PACSIN1: variants seen among roughly 807,000 people sequenced by gnomAD.
PACSIN1 encodes protein kinase C and casein kinase substrate in neurons 1, also known as protein kinase C and casein kinase substrate in neurons protein 1.
A neutral mutation model predicts 59.5 loss-of-function variants in PACSIN1; 15 were observed. That is an observed-to-expected ratio of 0.25 (90% CI 0.17 to 0.39). The LOEUF (loss-of-function observed/expected upper bound fraction) is 0.39. Ranked by LOEUF, PACSIN1 falls within the 10% of genes least tolerant of loss-of-function variation. The pLI is 1.00. For synonymous variants in PACSIN1, 210 were observed against 220.6 expected, an observed-to-expected ratio of 0.95 and a Z score of 0.42; for missense variants, 420 against 580.2, an observed-to-expected ratio of 0.72 and a Z score of 2.84.
intron 1 of PACSIN1, among the ~76,000 whole-genome samples, chr6:34,501,383 ACCC>A: frequency 6.6e-6 from 1 of 151,618 alleles, no homozygotes; most frequent in Non-Finnish European, 1.5e-5. Context: ...ATCTGGTCCA[ACCC>A]CCTCAGTTTG....
chr6:34,494,524 C>T (rs1766920413), intron 1 of PACSIN1, among the ~76,000 whole-genome samples: 3 of 152,084 alleles, frequency 2.0e-5, no homozygotes, highest in Non-Finnish European at 2.9e-5. Context: ...CTCACTGCAG[C>T]CTCAACATCT....
At chr6:34,486,891 G>A (rs139556764) in intron 1 of PACSIN1, among the ~76,000 whole-genome samples, 1 of 152,058 alleles carries the variant, frequency 6.6e-6, no homozygotes, top group Non-Finnish European at 1.5e-5. Flanking sequence ...ATATAGTTGG[G>A]TGTGGTGGCT....
chr6:34,512,763 C>A (rs1767225456), intron 1 of PACSIN1, among the ~76,000 whole-genome samples: 1 of 152,236 alleles, frequency 6.6e-6, no homozygotes. Flanking sequence ...GCGAACTTGA[C>A]TATGAAACTT....
chr6:34,528,142 C>G (rs1281600037), intron 3 of PACSIN1, among the ~76,000 whole-genome samples: 1 of 152,260 alleles, frequency 6.6e-6, no homozygotes, highest in Non-Finnish European at 1.5e-5. Flanking sequence ...AGAGCAGGGG[C>G]TGGGCCTGCA....
rs986464050 is a variant in PACSIN1 at position 34,531,232 on chromosome 6, G to T, written c.1038-368G>T. 6.6e-6 allele frequency among the ~76,000 whole-genome samples: 1 copy of T among 152,162 alleles called. No individual in the cohort carries two copies. Among genetic ancestry groups the T allele is most frequent in the Non-Finnish European group, 1.5e-5 (1 of 68,036 alleles). ...GATGGAGAAACTGAAACCCAGACAG[G>T]TTAAGTGACTTGCCCAAGATCACAT... On this transcript the variant is annotated intron_variant, in intron 8 of 9. Transcript: ENST00000244458. The surrounding 1 kb of genome is among the most constrained non-coding windows in gnomAD (Gnocchi z 4.4).
At chr6:34,500,716 G>A (rs1767011977) in intron 1 of PACSIN1, among the ~76,000 whole-genome samples, 1 of 152,210 alleles carries the variant, frequency 6.6e-6, no homozygotes, top group Non-Finnish European at 1.5e-5. Context: ...CTTCTCTCTA[G>A]CTATGAAAGT....
rs541440150 is a variant in PACSIN1, at chr6:34,518,204, C to A, written c.-63-8039C>A. 1.3e-5 allele frequency among the ~76,000 whole-genome samples: 2 copies of A among 152,230 alleles called. No individual in the cohort carries two copies. Among genetic ancestry groups the A allele is most frequent in the Non-Finnish European group, 2.9e-5 (2 of 68,044 alleles). Reference sequence around the variant, plus strand: ...GCCACTGAAGCGGGAGGGCCACGGCCCCTTCTTCCTGGTCAGAACTCATCC... The same window carrying A: ...GCCACTGAAGCGGGAGGGCCACGGCACCTTCTTCCTGGTCAGAACTCATCC... On this transcript the variant is annotated intron_variant, in intron 1 of 9. Transcript: ENST00000244458. The surrounding 1 kb of genome is among the most constrained non-coding windows in gnomAD (Gnocchi z 4.4).
rs1767245889 is a variant in PACSIN1 at position 34,514,004 on chromosome 6, A to G, written c.-63-12239A>G. Among the ~76,000 whole-genome samples the G allele has an allele frequency of 6.6e-6, 1 of 152,220 alleles. No homozygotes were observed. On this transcript the variant is annotated intron_variant, in intron 1 of 9. Transcript: ENST00000244458. This position sits in a 1 kb window ranked among gnomAD's most constrained non-coding sequence, Gnocchi z 4.4. ...TGTGTTACAGGTTCTGAATCCATGT[A>G]GATGTGTGTGCACGTGTCTTAAAGA...
intron 1 of PACSIN1, among the ~76,000 whole-genome samples, chr6:34,481,412 G>A (rs1435159960): frequency 6.6e-6 from 1 of 152,194 alleles, no homozygotes; most frequent in African/African-American, 2.4e-5. Context: ...GCCGGGTGCG[G>A]TGGCTCACGC....
At position 34,527,448 on chromosome 6, in the gene PACSIN1, C is replaced by T. The variant is rs141982184; in HGVS notation, c.180C>T (p.Leu60=). ...AKIEKAYGQQ[L]TDWAKRWRQL... ...TCGAGAAGGCGTACGGGCAGCAGCT[C>T]ACCGACTGGGCCAAGCGTTGGCGCC... Residue 60 remains leucine (L), a synonymous_variant, in exon 3 of 10, where the codon CTC becomes CTT. Transcript: ENST00000244458. The T allele has an allele frequency of 5.0e-5, 80 of 1,597,872 alleles. No individual in the cohort carries two copies. In the African/African-American group the frequency reaches 1.0e-3, roughly 21 times the overall value.
chr6:34,485,221 A>T (rs947087908), intron 1 of PACSIN1: 5 of 151,952 alleles, frequency 3.3e-5, no homozygotes, highest in East Asian at 1.9e-4. Context: ...TTTCAATTTT[A>T]AAAAAAGCCA....
rs1364430542 is a variant in PACSIN1, at chr6:34,531,744, C to T, written c.1182C>T (p.Tyr394=). 4.4e-6 allele frequency: 7 copies of T among 1,591,734 alleles called. No individual in the cohort carries two copies. The highest frequency in any genetic ancestry group is 4.1e-5 in the African/African-American group (3 of 74,020). ...AGGGAGTGCGCGTGCGGGCACTCTA[C>T]GACTATGACGGCCAGGAGCAGGACG... ...DSKGVRVRAL[Y]DYDGQEQDEL... is the part of the protein sequence containing the mutation. Residue 394 remains tyrosine, a synonymous_variant, in exon 9 of 10, where the codon TAC becomes TAT. Coordinates refer to ENST00000244458, the MANE Select transcript of PACSIN1 (RefSeq NM_020804.5). This position sits in a 1 kb window ranked among gnomAD's most constrained non-coding sequence, Gnocchi z 4.4.
chr6:34,517,085 T>C (rs894700613), intron 1 of PACSIN1, among the ~76,000 whole-genome samples: 2 of 152,052 alleles, frequency 1.3e-5, no homozygotes, highest in Non-Finnish European at 2.9e-5. Flanking sequence ...CCCAACGCCG[T>C]TCCTCCCTCG....
intron 1 of PACSIN1, among the ~76,000 whole-genome samples, chr6:34,507,444 A>C (rs1767132259): frequency 6.6e-6 from 1 of 152,160 alleles, no homozygotes; most frequent in Non-Finnish European, 1.5e-5. Flanking sequence ...TCAGAAGTCC[A>C]GATTGATCTA....
Position 34,514,787 on chromosome 6 carries a change from CAGA to C in PACSIN1, c.-63-11453_-63-11451del, listed in dbSNP as rs1767260916. ...ATTGCCCAGTTGCCATAGAAACGAG[CAGA>C]AGGAGGTGGGTGGCTGGAGAAGGAG... On this transcript the variant is annotated intron_variant, in intron 1 of 9. Transcript: ENST00000244458. The surrounding 1 kb of genome is among the most constrained non-coding windows in gnomAD (Gnocchi z 4.4). 1 of 152,464 alleles carries C rather than the reference CAGA, an allele frequency of 6.6e-6. No individual in the cohort carries two copies. The highest frequency in any genetic ancestry group is 2.1e-4 in the South Asian group (1 of 4,836). 9.4% of individuals were successfully genotyped at this position (152,464 alleles called of 1,614,324 possible).
At chr6:34,470,214 ACT>A (rs1561953599) in intron 1 of PACSIN1, among the ~76,000 whole-genome samples, 1 of 151,626 alleles carries the variant, frequency 6.6e-6, no homozygotes, top group East Asian at 2.0e-4. Context: ...ACGGAGTCTC[ACT>A]CTGTTACCCA....
At chr6:34,496,585 T>TGAGGCC (rs1225222785) in intron 1 of PACSIN1, among the ~76,000 whole-genome samples, 1 of 152,270 alleles carries the variant, frequency 6.6e-6, no homozygotes, top group Non-Finnish European at 1.5e-5. Flanking sequence ...ATGCTGAGGC[T>TGAGGCC]GAGGCCGTGG....
At position 34,489,068 on chromosome 6, in the gene PACSIN1, C is replaced by T. The variant is rs999759095; in HGVS notation, c.-64+22798C>T. ...TGGCGGCATGCCCCTGTAGTTCCAGCTACTTGGGGGGCTGAGGCAGGAGGA... is the reference window on the plus strand; with the variant it reads ...TGGCGGCATGCCCCTGTAGTTCCAGTTACTTGGGGGGCTGAGGCAGGAGGA... On this transcript the variant is annotated intron_variant, in intron 1 of 9. Transcript: ENST00000244458. 8.6e-5 allele frequency among the ~76,000 whole-genome samples: 13 copies of T among 151,544 alleles called. No individual in the cohort carries two copies. The East Asian group carries it at 1.4e-3, about 16-fold the overall frequency.
At position 34,529,749 on chromosome 6, in the gene PACSIN1, G is replaced by A. The variant is rs769643796; in HGVS notation, c.696G>A (p.Glu232=). 5 of 1,614,022 alleles carry A rather than the reference G, an allele frequency of 3.1e-6. No individual in the cohort carries two copies. In the Admixed American group the frequency reaches 8.3e-5, roughly 27 times the overall value. Reference sequence around the variant, plus strand: ...TGGAGAACATGGAGCAGGTGTTTGAGCAATGCCAGCAATTTGAGGAAAAGC... The same window carrying A: ...TGGAGAACATGGAGCAGGTGTTTGAACAATGCCAGCAATTTGAGGAAAAGC... ...QYMENMEQVF[E]QCQQFEEKRL... is the part of the protein sequence containing the mutation. The change falls in exon 6 of 10, where the codon GAG becomes GAA. Residue 232 remains glutamate, a synonymous_variant. Transcript: ENST00000244458. The surrounding 1 kb of genome is among the most constrained non-coding windows in gnomAD (Gnocchi z 6.3).
Sources: allele counts gnomAD v4.1 joint callset (sites outside exome capture counted in the v4.1 genomes callset), GRCh38; gene constraint gnomAD v4.1.1; non-coding constraint Gnocchi (gnomAD v3.1); transcripts MANE v1.5; gene names NCBI Gene and HGNC (gene_info 2026-07-23, HGNC 2026-07-21).